Variants in MEIS3 observed in about 807,000 individuals in gnomAD.
The protein encoded by MEIS3 is Meis homeobox 3.
Under a neutral mutation model 51.4 loss-of-function variants are expected in MEIS3, and 38 were observed. That is an observed-to-expected ratio of 0.74 (90% CI 0.57 to 0.97). MEIS3 has a LOEUF of 0.97. Ranked by LOEUF, MEIS3 falls within the 50% of genes least tolerant of loss-of-function variation. MEIS3 has a pLI of 0.00. For missense variants in MEIS3, 456 were observed against 502.6 expected (o/e 0.91, Z 0.89); for synonymous variants, 198 against 201.8 (o/e 0.98, Z 0.16).
chr19:47,417,551 C>G, intron 1 of MEIS3: 1 of 716,538 alleles, frequency 1.4e-6, no homozygotes, highest in Non-Finnish European at 2.5e-6. Context: ...GAGTGAGGAC[C>G]CCGTCCAGGC....
chr19:47,409,088 A>G lies in MEIS3; in HGVS notation c.858+11T>C, dbSNP rs371524532. ...CATTCCCACCCTGCACCTGGGCAGC[A>G]GGGCTCTCACCGAGAGGTGCTGGAA... On this transcript the variant is annotated intron_variant, in intron 8 of 12. Coordinates refer to ENST00000558555, the MANE Select transcript of MEIS3 (RefSeq NM_001301059.2). 9 of 1,607,716 alleles carry G rather than the reference A, an allele frequency of 5.6e-6. No individual in the cohort carries two copies. In the African/African-American group the frequency reaches 1.1e-4, roughly 19 times the overall value.
rs559533564 is a variant in MEIS3 at position 47,410,760 on chromosome 19, C to T, written c.598-1213G>A. ...CAGCCTGGGTGACAGAGTGAGACTC[C>T]GTCTCAAAAAAAAGAAAAGGAAAAT... On this transcript the variant is annotated intron_variant, in intron 6 of 12. Transcript: ENST00000558555. 1.3e-4 allele frequency among the ~76,000 whole-genome samples: 20 copies of T among 151,952 alleles called. 1 individual carries two copies. The highest frequency in any genetic ancestry group is 6.2e-4 in the South Asian group (3 of 4,804).
At chr19:47,411,373 GAATA>G (rs34295928) in intron 6 of MEIS3, among the ~76,000 whole-genome samples, 35,651 of 151,844 alleles carry the variant, frequency 0.23, 4,393 homozygotes, top group Middle Eastern at 0.39. Flanking sequence ...TAACTAAGTG[GAATA>G]AATAAAGGCT....
chr19:47,407,956 G>A (rs1442633607), intron 8 of MEIS3, among the ~76,000 whole-genome samples: 2 of 152,106 alleles, frequency 1.3e-5, no homozygotes, highest in South Asian at 2.1e-4. Context: ...ACAGGTGCGC[G>A]CCACCATGCC....
chr19:47,407,277 G>T, intron 9 of MEIS3, 75 bp downstream of exon 9: 2 of 1,544,682 alleles, frequency 1.3e-6, no homozygotes, highest in South Asian at 2.4e-5. Flanking sequence ...CGGGGCTCGG[G>T]GCCTCCGTCA....
intron 6 of MEIS3, among the ~76,000 whole-genome samples, chr19:47,411,109 G>T (rs1971111645): frequency 6.6e-6 from 1 of 151,736 alleles, no homozygotes; most frequent in African/African-American, 2.4e-5. Flanking sequence ...GCTAATTTTT[G>T]TATTTTTAGT....
chr19:47,410,514 C>T (rs1971081059), intron 6 of MEIS3, among the ~76,000 whole-genome samples: 1 of 151,222 alleles, frequency 6.6e-6, no homozygotes, highest in African/African-American at 2.4e-5. Context: ...TGCCTGTAAT[C>T]CCATCACTGT....
chr19:47,407,925 G>C (rs189665556), intron 8 of MEIS3, among the ~76,000 whole-genome samples: 2,252 of 152,234 alleles, frequency 0.015, 24 homozygotes, highest in Non-Finnish European at 0.024. Context: ...CCCCGCCTCA[G>C]CCTCCCCAGT....
chr19:47,404,716 C>T (rs1319311234), intron 12 of MEIS3, among the ~76,000 whole-genome samples: 2 of 152,212 alleles, frequency 1.3e-5, no homozygotes, highest in Non-Finnish European at 2.9e-5. Context: ...CCAGGAAGCC[C>T]TCTCTAAACA....
intron 8 of MEIS3, 63 bp downstream of exon 8, chr19:47,409,036 T>G: frequency 6.4e-7 from 1 of 1,563,182 alleles, no homozygotes; most frequent in Non-Finnish European, 8.7e-7. Flanking sequence ...GGTTTCGGTC[T>G]CTGTGGTCCA....
At chr19:47,405,104 C>T (rs1970752906) in intron 12 of MEIS3, among the ~76,000 whole-genome samples, 1 of 152,210 alleles carries the variant, frequency 6.6e-6, no homozygotes, top group African/African-American at 2.4e-5. Context: ...ACATGCTGTT[C>T]CCTCTGCTTT....
chr19:47,410,157 A>G (rs527950342), intron 6 of MEIS3, among the ~76,000 whole-genome samples: 29 of 150,574 alleles, frequency 1.9e-4, no homozygotes, highest in Non-Finnish European at 3.8e-4. Context: ...AAATACAAAA[A>G]CCAGGCTGGC....
chr19:47,419,187 G>A lies in MEIS3; in HGVS notation c.-106C>T, dbSNP rs371905986. 3.5e-6 allele frequency: 3 copies of A among 857,500 alleles called. No homozygotes were observed. Among genetic ancestry groups the A allele is most frequent in the Non-Finnish European group, 4.6e-6 (3 of 649,374 alleles). 53.1% of individuals were successfully genotyped at this position (857,500 alleles called of 1,614,324 possible). ...ACGGCCCGCGGTGTTGACGCCAGGG[G>A]GTGGGCAGGAGGCCAGGCGCGCGCC... On this transcript the variant is annotated 5_prime_UTR_variant, in exon 1 of 13. Coordinates refer to ENST00000558555, the MANE Select transcript of MEIS3 (RefSeq NM_001301059.2).
upstream of MEIS3, among the ~76,000 whole-genome samples, chr19:47,421,490 C>CCT (rs1036430562): frequency 6.6e-5 from 10 of 152,096 alleles, no homozygotes; most frequent in Admixed American, 6.6e-4. Flanking sequence ...TTCCTCCTGT[C>CCT]CTCTCTCTCG....
chr19:47,416,335 C>G (rs1481615453), intron 4 of MEIS3: 4 of 327,300 alleles, frequency 1.2e-5, no homozygotes, highest in African/African-American at 8.7e-5. Context: ...ACTCATTAAA[C>G]CCCCACAGCA....
chr19:47,417,859 G>A, intron 1 of MEIS3: 1 of 607,940 alleles, frequency 1.6e-6, no homozygotes, highest in Admixed American at 2.8e-5. Context: ...CACACATGTA[G>A]ACACAGCCAT....
chr19:47,403,676 G>A, intron 12 of MEIS3, 123 bp from the exon 13 acceptor site: 2 of 338,854 alleles, frequency 5.9e-6, no homozygotes, highest in South Asian at 4.3e-5. Context: ...GGCTGGCGGG[G>A]AATGGCACAG....
Position 47,406,898 on chromosome 19 carries a change from G to C in MEIS3, c.1068C>G (p.Val356=). Residue 356 remains valine, a synonymous_variant, in exon 11 of 13, where the codon GTC becomes GTG. Transcript: ENST00000558555. ...GYTETQPHVA[V]RPPGSVGMSL... ...GGGGGCGAGGCTTACCCGGAGGCCGGACGGCCACGTGTGGCTGCGTCTCGG... is the reference window on the plus strand; with the variant it reads ...GGGGGCGAGGCTTACCCGGAGGCCGCACGGCCACGTGTGGCTGCGTCTCGG... 6.4e-7 allele frequency: 1 copy of C among 1,573,104 alleles called. No homozygotes were observed. The highest frequency in any genetic ancestry group is 8.6e-7 in the Non-Finnish European group (1 of 1,161,804).
chr19:47,403,724 C>T (rs1038286492), intron 12 of MEIS3, among the ~76,000 whole-genome samples, 171 bp from the exon 13 acceptor site: 18 of 151,886 alleles, frequency 1.2e-4, no homozygotes, highest in East Asian at 1.2e-3. Flanking sequence ...GACGCAGTGA[C>T]GAGAAAGAGG....
Sources: allele counts gnomAD v4.1 joint callset (sites outside exome capture counted in the v4.1 genomes callset), GRCh38; gene constraint gnomAD v4.1.1; transcripts MANE v1.5; gene names NCBI Gene and HGNC (gene_info 2026-07-23, HGNC 2026-07-21).